The following MAML2 variants were observed in gnomAD, a reference collection of about 807,000 sequenced individuals.
MAML2 encodes mastermind like transcriptional coactivator 2, also known as mastermind-like protein 2.
A neutral mutation model predicts 96.1 loss-of-function variants in MAML2; 22 were observed. The ratio of observed to expected loss-of-function variants is 0.23; its 90% CI spans 0.16 to 0.33. The LOEUF (loss-of-function observed/expected upper bound fraction) is 0.33, where lower values mean the gene tolerates loss of function less well. Ranked by LOEUF, MAML2 falls within the 10% of genes least tolerant of loss-of-function variation. MAML2 has a pLI of 1.00. For missense variants in MAML2, 1,367 were observed against 1,392.4 expected (o/e 0.98, Z 0.29); for synonymous variants, 561 against 521.3 (o/e 1.08, Z -1.04).
intron 1 of MAML2, among the ~76,000 whole-genome samples, chr11:96,100,053 G>A (rs138480887): frequency 6.6e-6 from 1 of 152,324 alleles, no homozygotes; most frequent in East Asian, 1.9e-4. Context: ...AGGGGTGTAT[G>A]AAGCTTTGTG....
chr11:96,003,428 C>T, intron 2 of MAML2, among the ~76,000 whole-genome samples: 1 of 151,914 alleles, frequency 6.6e-6, no homozygotes, highest in Non-Finnish European at 1.5e-5. Flanking sequence ...CAGAACTTGT[C>T]TTTTTTCCCC....
chr11:96,121,991 T>TTA (rs1860355811), intron 1 of MAML2, among the ~76,000 whole-genome samples: 1 of 82,306 alleles, frequency 1.2e-5, no homozygotes, highest in Non-Finnish European at 2.3e-5. Flanking sequence ...TTGTATTTTT[T>TTA]AGTAGAGACG....
intron 1 of MAML2, among the ~76,000 whole-genome samples, chr11:96,263,330 A>G (rs182840430): frequency 3.9e-4 from 59 of 152,386 alleles, no homozygotes; most frequent in Admixed American, 1.6e-3. Context: ...TTTCAAAGCC[A>G]TTTAAAAGGC....
chr11:96,134,417 A>C (rs1860595275), intron 1 of MAML2, among the ~76,000 whole-genome samples: 1 of 152,210 alleles, frequency 6.6e-6, no homozygotes, highest in South Asian at 2.1e-4. Context: ...GCAAGATATC[A>C]AATGTCTCTG....
chr11:96,222,367 C>T (rs571577338), intron 1 of MAML2, among the ~76,000 whole-genome samples: 1 of 152,280 alleles, frequency 6.6e-6, no homozygotes, highest in East Asian at 1.9e-4. Flanking sequence ...TAGCACCATC[C>T]AGACTCTAGT....
At chr11:96,029,795 G>C (rs1858582414) in intron 2 of MAML2, among the ~76,000 whole-genome samples, 1 of 152,140 alleles carries the variant, frequency 6.6e-6, no homozygotes, top group Non-Finnish European at 1.5e-5. Context: ...AAGATTTCAG[G>C]TGCTCAAAGA....
chr11:96,210,085 GC>G (rs1308414702), intron 1 of MAML2, among the ~76,000 whole-genome samples: 4 of 152,048 alleles, frequency 2.6e-5, no homozygotes, highest in Non-Finnish European at 5.9e-5. Context: ...TACAAAATGT[GC>G]CTTACCATTT....
intron 1 of MAML2, among the ~76,000 whole-genome samples, chr11:96,232,526 A>G (rs1294169035): frequency 2.6e-5 from 4 of 151,774 alleles, no homozygotes; most frequent in Non-Finnish European, 4.4e-5. Flanking sequence ...CTGGAGTGCA[A>G]TGGTGCGATC....
intron 1 of MAML2, among the ~76,000 whole-genome samples, chr11:96,174,626 C>T (rs1257054983): frequency 6.6e-6 from 1 of 152,192 alleles, no homozygotes. Flanking sequence ...TCAGGTGATC[C>T]ACCCGCCTTG....
chr11:95,991,763 TA>T, intron 2 of MAML2, 40 bp from the exon 3 acceptor site: 1 of 1,508,252 alleles, frequency 6.6e-7, no homozygotes, highest in African/African-American at 1.4e-5. Context: ...TACTGTGAAT[TA>T]AAAAAAGAAA....
chr11:96,205,451 T>A (rs1861882916), intron 1 of MAML2, among the ~76,000 whole-genome samples: 1 of 152,208 alleles, frequency 6.6e-6, no homozygotes, highest in Non-Finnish European at 1.5e-5. Flanking sequence ...GGTACAAATA[T>A]AAATATGACA....
chr11:95,985,604 C>G lies in MAML2; in HGVS notation c.2382G>C (p.Leu794Phe). 6.2e-7 allele frequency: 1 copy of G among 1,612,676 alleles called. No individual in the cohort carries two copies. Among genetic ancestry groups the G allele is most frequent in the Non-Finnish European group, 8.5e-7 (1 of 1,179,194 alleles). The change falls in exon 4 of 5, where the codon TTG becomes TTC. Residue 794 changes from leucine (L) to phenylalanine (F), a missense_variant. Transcript: ENST00000524717. ...CTTTATAATCTGGAGGTGGCCTTGA[C>G]AAATGTCGGTTTATCTGATCTTGTG... The part of the protein sequence containing the change: ...IAPQDQINRH[L>F]SRPPPDYKDQ...
rs114671996 is a variant in MAML2 at position 96,112,785 on chromosome 11, T to C, written c.514-19268A>G. Among the ~76,000 whole-genome samples, 536 of 152,372 alleles carry C rather than the reference T, an allele frequency of 3.5e-3. 2 individuals are homozygous for C. Among genetic ancestry groups the C allele is most frequent in the African/African-American group, 0.012 (502 of 41,582 alleles). On this transcript the variant is annotated intron_variant, in intron 1 of 4. Coordinates refer to ENST00000524717, the MANE Select transcript of MAML2 (RefSeq NM_032427.4). ...AGAATAACTGATAATACAGGCTTGA[T>C]TGACTCATTACTTTTTGTGATATAA...
At position 96,107,904 on chromosome 11, in the gene MAML2, CT is replaced by C. The variant is rs570858145; in HGVS notation, c.514-14388del. ...TTTCCACCAACCTTGCCATATGCAT[CT>C]CTTCCATCTGGCTGTTCTGTGTAGC... On this transcript the variant is annotated intron_variant, in intron 1 of 4. Transcript: ENST00000524717. Among the ~76,000 whole-genome samples, 936 of 152,298 alleles carry C rather than the reference CT, an allele frequency of 6.1e-3. 12 individuals carry two copies. Among genetic ancestry groups the C allele is most frequent in the Non-Finnish European group, 6.7e-3 (453 of 68,024 alleles).
At chr11:96,296,202 A>G (rs978941704) in intron 1 of MAML2, among the ~76,000 whole-genome samples, 2 of 152,088 alleles carry the variant, frequency 1.3e-5, no homozygotes, top group Non-Finnish European at 2.9e-5. Flanking sequence ...TACTCAGCTT[A>G]TTTCTTTTTT....
At chr11:96,016,672 A>C (rs1220653865) in intron 2 of MAML2, among the ~76,000 whole-genome samples, 1 of 152,212 alleles carries the variant, frequency 6.6e-6, no homozygotes, top group Non-Finnish European at 1.5e-5. Flanking sequence ...TCCTATGTTC[A>C]TATAAACACA....
intron 1 of MAML2, among the ~76,000 whole-genome samples, chr11:96,263,636 G>C (rs1862781106): frequency 6.6e-6 from 1 of 152,212 alleles, no homozygotes; most frequent in Non-Finnish European, 1.5e-5. Flanking sequence ...AGTTCTGAAA[G>C]AAAGGAAAGG....
chr11:96,303,024 G>A (rs6483495), intron 1 of MAML2, among the ~76,000 whole-genome samples: 33,557 of 152,028 alleles, frequency 0.22, 4,348 homozygotes, highest in African/African-American at 0.35. Flanking sequence ...TTGAGTCAAA[G>A]GGCACAGATA....
At chr11:96,186,367 A>G (rs1289829554) in intron 1 of MAML2, among the ~76,000 whole-genome samples, 1 of 152,170 alleles carries the variant, frequency 6.6e-6, no homozygotes, top group Non-Finnish European at 1.5e-5. Context: ...CGGTGGGCGG[A>G]TCACCTGAGG....
Sources: allele counts gnomAD v4.1 joint callset (sites outside exome capture counted in the v4.1 genomes callset), GRCh38; gene constraint gnomAD v4.1.1; transcripts MANE v1.5; gene names NCBI Gene and HGNC (gene_info 2026-07-23, HGNC 2026-07-21).